RPS12: variants seen among roughly 807,000 people sequenced by gnomAD.
The protein encoded by RPS12 is ribosomal protein S12, also known as small ribosomal subunit protein eS12.
Under a neutral mutation model 17.2 loss-of-function variants are expected in RPS12, and 1 was observed. That is an observed-to-expected ratio of 0.06 (90% CI 0.02 to 0.28). The LOEUF (loss-of-function observed/expected upper bound fraction) is 0.28. RPS12 is among the 10% of genes least tolerant of loss of function. The probability of loss-of-function intolerance (pLI) is 1.00; values close to 1 mark genes in which losing one functional copy is unlikely to be tolerated. For missense variants in RPS12, 146 were observed against 162.1 expected (o/e 0.90, Z 0.54); for synonymous variants, 67 against 54.0 (o/e 1.24, Z -1.06).
rs1005715320 is a variant in RPS12, at chr6:132,816,953, C to T, written c.235-7C>T. The stretch of plus-strand genomic sequence containing the variant: ...ATTTTTTTTTTTTTTAACCTTTCTC[C>T]CAATAGGTTGATGACAACAAGAAAC... On this transcript the variant is annotated splice_polypyrimidine_tract_variant and splice_region_variant and intron_variant, in intron 4 of 5. Transcript: ENST00000230050. The T allele has an allele frequency of 1.9e-6, 3 of 1,561,684 alleles. No homozygotes were observed. Among genetic ancestry groups the T allele is most frequent in the East Asian group, 4.5e-5 (2 of 44,614 alleles).
Position 132,817,002 on chromosome 6 carries a change from A to G in RPS12, c.277A>G (p.Lys93Glu). ...KKLGEWVGLCKIDREGKPRKV... is the reference protein window; with the variant it reads ...KKLGEWVGLCEIDREGKPRKV... Reference sequence around the variant, plus strand: ...ACTAGGAGAATGGGTAGGCCTTTGTAAAATTGACAGAGAGGGGAAACCCCG... The same window carrying G: ...ACTAGGAGAATGGGTAGGCCTTTGTGAAATTGACAGAGAGGGGAAACCCCG... Residue 93 changes from lysine to glutamate, a missense_variant, in exon 5 of 6, where the codon AAA becomes GAA. Lys to Glu is a moderately conservative substitution (Grantham distance 56). This residue lies in a region of RPS12 where 29 missense variants were observed against 57.5 expected (regional missense o/e 0.50). Transcript: ENST00000230050. 1.9e-6 allele frequency: 3 copies of G among 1,613,104 alleles called. No homozygotes were observed. The highest frequency in any genetic ancestry group is 1.7e-6 in the Non-Finnish European group (2 of 1,179,554).
In RPS12 at chr6:132,816,962, T is replaced by A; in HGVS notation, c.237T>A (p.Val79=). Residue 79 remains valine, a splice_region_variant and synonymous_variant, in exon 5 of 6, where the codon GTT becomes GTA. Coordinates refer to ENST00000230050, the MANE Select transcript of RPS12 (RefSeq NM_001016.4). ...TTTTTTAACCTTTCTCCCAATAGGT[T>A]GATGACAACAAGAAACTAGGAGAAT... ...CAEHQINLIK[V]DDNKKLGEWV... is the part of the protein sequence containing the mutation. The A allele has an allele frequency of 6.3e-7, 1 of 1,597,538 alleles. No homozygotes were observed. Among genetic ancestry groups the A allele is most frequent in the Non-Finnish European group, 8.6e-7 (1 of 1,165,104 alleles).
intron 2 of RPS12, 75 bp downstream of exon 2, chr6:132,814,857 A>C: frequency 6.8e-7 from 1 of 1,470,812 alleles, no homozygotes; most frequent in Non-Finnish European, 9.5e-7. Context: ...GCGGAACAGG[A>C]CTGGGTCAAA....
rs201019637 is a variant in RPS12, at chr6:132,815,006, G to C, written c.49G>C (p.Ala17Pro). The C allele has an allele frequency of 1.9e-6, 3 of 1,613,096 alleles. No individual in the cohort carries two copies. In the Admixed American group the frequency reaches 5.0e-5, roughly 27 times the overall value. The change falls in exon 3 of 6, where the codon GCT becomes CCT. Residue 17 changes from alanine (A) to proline (P), a missense_variant. Ala to Pro is a conservative substitution (Grantham distance 27, BLOSUM62 -1). Transcript: ENST00000230050. Reference sequence around the variant, plus strand: ...TGGAGGTGTAATGGACGTTAATACTGCTTTACAAGAGGTTCTGAAGACTGC... The same window carrying C: ...TGGAGGTGTAATGGACGTTAATACTCCTTTACAAGAGGTTCTGAAGACTGC... ...AAGGVMDVNT[A>P]LQEVLKTALI...
At chr6:132,815,897 C>CAGTG (rs1434420542) in intron 3 of RPS12, 1 of 450,682 alleles carries the variant, frequency 2.2e-6, no homozygotes, top group Non-Finnish European at 4.4e-6. Context: ...GGCTGGAGTG[C>CAGTG]AGTGGCGCGA....
intron 2 of RPS12, 44 bp from the exon 3 acceptor site, chr6:132,814,928 G>A (rs1363544883): frequency 1.7e-5 from 25 of 1,442,670 alleles, no homozygotes; most frequent in African/African-American, 2.8e-5. Context: ...GGCCTTATGT[G>A]GTGTGAGGAT....
chr6:132,815,018 G>T lies in RPS12; in HGVS notation c.61G>T (p.Val21Phe). 6.2e-7 allele frequency: 1 copy of T among 1,613,876 alleles called. No homozygotes were observed. The highest frequency in any genetic ancestry group is 8.5e-7 in the Non-Finnish European group (1 of 1,179,806). ...GGACGTTAATACTGCTTTACAAGAG[G>T]TTCTGAAGACTGCCCTCATCCACGA... ...VMDVNTALQE[V>F]LKTALIHDGL... Residue 21 changes from valine to phenylalanine, a missense_variant, in exon 3 of 6, where the codon GTT (valine) becomes TTT (phenylalanine). By Grantham distance (50) the Val-to-Phe change is conservative. Coordinates refer to ENST00000230050, the MANE Select transcript of RPS12 (RefSeq NM_001016.4).
At chr6:132,816,110 A>C (rs113735919) in intron 3 of RPS12, 7 of 377,108 alleles carry the variant, frequency 1.9e-5, no homozygotes, top group African/African-American at 6.3e-5. Context: ...CTGGGATTAC[A>C]GGAGTGAGCC....
chr6:132,814,717 G>A lies in RPS12; in HGVS notation c.-37-15G>A. 1 of 1,602,644 alleles carries A rather than the reference G, an allele frequency of 6.2e-7. No individual in the cohort carries two copies. The highest frequency in any genetic ancestry group is 8.5e-7 in the Non-Finnish European group (1 of 1,170,124). On this transcript the variant is annotated splice_polypyrimidine_tract_variant and intron_variant, in intron 1 of 5. Transcript: ENST00000230050. ...GTATCTGGTTCTTTAACAAGTCAAT[G>A]CTTTTGTTTTTTAGTGCGTTCAAGA... is the stretch of plus-strand genomic sequence containing the variant.
intron 4 of RPS12, 129 bp downstream of exon 4, chr6:132,816,692 C>CATT (rs1782069810): frequency 2.5e-6 from 2 of 786,824 alleles, no homozygotes; most frequent in Non-Finnish European, 4.5e-6. Context: ...TACTGTCGGC[C>CATT]ATTTTAAAGA....
intron 5 of RPS12, 113 bp downstream of exon 5, chr6:132,817,174 A>G: frequency 1.2e-6 from 1 of 823,006 alleles, no homozygotes; most frequent in Non-Finnish European, 2.1e-6. Context: ...AACAGGTTTA[A>G]AGCATTTTCT....
intron 3 of RPS12, 44 bp downstream of exon 3, chr6:132,815,132 C>G (rs749381331): frequency 7.4e-6 from 9 of 1,215,950 alleles, no homozygotes; most frequent in Non-Finnish European, 8.5e-6. Flanking sequence ...GCAACCGGAA[C>G]AAAACTGCCA....
rs1371653022 is a variant in RPS12, at chr6:132,814,584, C to A, written c.-67C>A. On this transcript the variant is annotated 5_prime_UTR_variant, in exon 1 of 6. Transcript: ENST00000230050. ...CGGATGAGGCCTCTTTCCCTGCCGC[C>A]GCCGAGTCGCGCGGAGGCGGAGGCT... is the stretch of plus-strand genomic sequence containing the variant. 2 of 772,352 alleles carry A rather than the reference C, an allele frequency of 2.6e-6. No individual in the cohort carries two copies. Among genetic ancestry groups the A allele is most frequent in the Non-Finnish European group, 4.5e-6 (2 of 444,058 alleles). The allele number at this position is 772,352 out of a possible 1,614,324, so 47.8% of individuals were successfully genotyped here.
intron 5 of RPS12, 31 bp downstream of exon 5, chr6:132,817,092 T>A: frequency 7.8e-7 from 1 of 1,284,674 alleles, no homozygotes; most frequent in East Asian, 2.3e-5. Flanking sequence ...GGGATGAAGG[T>A]TATGCTGGGT....
At chr6:132,817,162 T>G (rs1782081483) in intron 5 of RPS12, 101 bp downstream of exon 5, 7 of 851,734 alleles carry the variant, frequency 8.2e-6, no homozygotes, top group South Asian at 1.4e-5. Flanking sequence ...AAAAACTGAT[T>G]CAACAGGTTT....
In RPS12 at chr6:132,816,970, A is replaced by C. The variant is rs770260980; in HGVS notation, c.245A>C (p.Asn82Thr). The C allele has an allele frequency of 2.5e-6, 4 of 1,607,852 alleles. No individual in the cohort carries two copies. The highest frequency in any genetic ancestry group is 3.4e-6 in the Non-Finnish European group (4 of 1,174,540). Residue 82 changes from asparagine (N) to threonine (T), a missense_variant, in exon 5 of 6, where the codon AAC becomes ACC. Physicochemically the swap from Asn to Thr is moderately conservative, Grantham distance 65. Transcript: ENST00000230050. ...CCTTTCTCCCAATAGGTTGATGACAACAAGAAACTAGGAGAATGGGTAGGC... is the reference window on the plus strand; with the variant it reads ...CCTTTCTCCCAATAGGTTGATGACACCAAGAAACTAGGAGAATGGGTAGGC... ...HQINLIKVDD[N>T]KKLGEWVGLC...
chr6:132,816,712 G>A (rs916821059), intron 4 of RPS12, 149 bp downstream of exon 4: 1 of 775,236 alleles, frequency 1.3e-6, no homozygotes, highest in African/African-American at 1.7e-5. Flanking sequence ...ATGATTGTAG[G>A]TAGAAGCATT....
rs371587512 is a variant in RPS12, at chr6:132,815,035, C to T, written c.78C>T (p.Leu26=). The T allele has an allele frequency of 9.9e-6, 16 of 1,613,804 alleles. No homozygotes were observed. In the Middle Eastern group the frequency reaches 1.5e-3, roughly 149 times the overall value. ...TALQEVLKTA[L]IHDGLARGIR... is the part of the protein sequence containing the mutation. ...TACAAGAGGTTCTGAAGACTGCCCT[C>T]ATCCACGATGGCCTAGCACGTGGAA... is the stretch of plus-strand genomic sequence containing the variant. The change falls in exon 3 of 6, where the codon CTC becomes CTT. Residue 26 remains leucine (L), a synonymous_variant. Coordinates refer to ENST00000230050, the MANE Select transcript of RPS12 (RefSeq NM_001016.4).
chr6:132,817,037 T>A lies in RPS12; in HGVS notation c.312T>A (p.Val104=), dbSNP rs375363812. The change falls in exon 5 of 6, where the codon GTT becomes GTA. Residue 104 remains valine (V), a synonymous_variant. Coordinates refer to ENST00000230050, the MANE Select transcript of RPS12 (RefSeq NM_001016.4). The part of the protein sequence containing the change: ...IDREGKPRKV[V]GCSCVVVKDY... ...GAGAGGGGAAACCCCGTAAAGTGGTTGGTTGCAGTTGTGTAGTAGTTAAGG... is the reference window on the plus strand; with the variant it reads ...GAGAGGGGAAACCCCGTAAAGTGGTAGGTTGCAGTTGTGTAGTAGTTAAGG... 16 of 1,609,638 alleles carry A rather than the reference T, an allele frequency of 9.9e-6. No individual in the cohort carries two copies. The highest frequency in any genetic ancestry group is 1.7e-5 in the Admixed American group (1 of 59,986).
Sources: allele counts gnomAD v4.1 joint callset, GRCh38; gene constraint gnomAD v4.1.1; regional missense constraint gnomAD v4.1.1; transcripts MANE v1.5; gene names NCBI Gene and HGNC (gene_info 2026-07-23, HGNC 2026-07-21).